UGT2B7: variants seen among roughly 807,000 people sequenced by gnomAD.
UGT2B7 encodes the protein UDP-glucuronosyltransferase 2B7.
In UGT2B7, 51 loss-of-function variants were observed where a neutral mutation model predicts 51.9. That is an observed-to-expected ratio of 0.98 (90% CI 0.78 to 1.24). UGT2B7 has a LOEUF of 1.24. Ranked by LOEUF, UGT2B7 falls within the 50% of genes most tolerant of loss-of-function variation. UGT2B7 has a pLI of 0.00. For missense variants in UGT2B7, 727 were observed against 628.4 expected (o/e 1.16, Z -1.68); for synonymous variants, 225 against 211.6 (o/e 1.06, Z -0.55).
chr4:69,087,562 G>A (rs977924217), intron 1 of UGT2B7, among the ~76,000 whole-genome samples: 7 of 151,888 alleles, frequency 4.6e-5, no homozygotes, highest in Non-Finnish European at 7.4e-5. Context: ...CTTATTACAT[G>A]TGAGTGTCCT....
At chr4:69,098,516 CT>C (rs34182209) in intron 1 of UGT2B7, 23 bp from the exon 2 acceptor site, 283 of 1,471,202 alleles carry the variant, frequency 1.9e-4, no homozygotes, top group South Asian at 6.0e-4. Context: ...TGTCATCCAC[CT>C]TTTTTTTTTC....
chr4:69,100,934 T>C (rs1719400386), intron 2 of UGT2B7, among the ~76,000 whole-genome samples: 1 of 152,134 alleles, frequency 6.6e-6, no homozygotes, highest in African/African-American at 2.4e-5. Flanking sequence ...ATCAGTTTTA[T>C]AATATGTTCA....
chr4:69,061,520 TC>T (rs563703561), intron 1 of UGT2B7, among the ~76,000 whole-genome samples: 150 of 152,194 alleles, frequency 9.9e-4, no homozygotes, highest in African/African-American at 3.3e-3. Context: ...CAAGCTACAC[TC>T]CAAATAAAAG....
At chr4:69,081,740 G>T (rs917409440) in intron 1 of UGT2B7, among the ~76,000 whole-genome samples, 6 of 152,014 alleles carry the variant, frequency 3.9e-5, no homozygotes, top group African/African-American at 1.4e-4. Flanking sequence ...TTTTCTGATT[G>T]CTCCATAGAT....
chr4:69,098,829 C>T (rs1719331742), intron 2 of UGT2B7, 141 bp downstream of exon 2: 2 of 1,394,602 alleles, frequency 1.4e-6, no homozygotes, highest in Middle Eastern at 2.6e-4. Flanking sequence ...CAATTAGAAA[C>T]TCATGTGCAC....
At chr4:69,057,910 C>T (rs1482713063) in intron 1 of UGT2B7, among the ~76,000 whole-genome samples, 2 of 152,154 alleles carry the variant, frequency 1.3e-5, no homozygotes, top group Non-Finnish European at 2.9e-5. Flanking sequence ...TAGATAGGGA[C>T]ACAATTGGCC....
At chr4:69,051,538 G>A (rs1239007897) in exon 1 of UGT2B7, 1 of 152,342 alleles carries the variant, frequency 6.6e-6, no homozygotes, top group Non-Finnish European at 1.5e-5. Context: ...CCCTCGCAGA[G>A]GATTAACACA....
chr4:69,103,461 A>G (rs543205850), intron 3 of UGT2B7, among the ~76,000 whole-genome samples: 1 of 152,300 alleles, frequency 6.6e-6, no homozygotes, highest in East Asian at 1.9e-4. Flanking sequence ...ACAAAAGGCA[A>G]CTTGAGACCC....
intron 3 of UGT2B7, among the ~76,000 whole-genome samples, chr4:69,105,996 T>A (rs539028757): frequency 2.0e-5 from 3 of 152,160 alleles, no homozygotes; most frequent in African/African-American, 7.2e-5. Context: ...AGCACGCAGG[T>A]CATTACAAAA....
At chr4:69,087,198 C>T (rs926140112) in intron 1 of UGT2B7, among the ~76,000 whole-genome samples, 1 of 151,438 alleles carries the variant, frequency 6.6e-6, no homozygotes. Context: ...TGATTCCATG[C>T]CATTTGTGTT....
chr4:69,077,535 T>C (rs1438668392), intron 1 of UGT2B7, among the ~76,000 whole-genome samples: 1 of 152,054 alleles, frequency 6.6e-6, no homozygotes. Context: ...TATTTTATTC[T>C]CTTTGTGTCA....
chr4:69,089,064 T>C (rs1463564252), intron 1 of UGT2B7, among the ~76,000 whole-genome samples: 1 of 152,130 alleles, frequency 6.6e-6, no homozygotes, highest in Non-Finnish European at 1.5e-5. Flanking sequence ...CAGTGTGGCT[T>C]TTTGTATTTA....
At chr4:69,082,756 A>T (rs1268547640) in intron 1 of UGT2B7, among the ~76,000 whole-genome samples, 1 of 152,114 alleles carries the variant, frequency 6.6e-6, no homozygotes, top group East Asian at 1.9e-4. Context: ...TATCTAGACA[A>T]CCTAGCTAAG....
At chr4:69,108,390 A>C in intron 5 of UGT2B7, 68 bp downstream of exon 5, 1 of 1,538,670 alleles carries the variant, frequency 6.5e-7, no homozygotes, top group Non-Finnish European at 8.9e-7. Flanking sequence ...AGTGAGTGTG[A>C]GTTTCATCCT....
intron 1 of UGT2B7, among the ~76,000 whole-genome samples, chr4:69,064,104 A>AGAGAG (rs1560499781): frequency 1.0e-3 from 112 of 110,444 alleles, no homozygotes; most frequent in East Asian, 1.4e-3. Flanking sequence ...AAGAGAAAGA[A>AGAGAG]AGAAAGAAAA....
Position 69,108,268 on chromosome 4 carries a change from C to T in UGT2B7, c.1256C>T (p.Thr419Ile). ...GCAGCTGTTAGAGTGGACTTCAACA[C>T]AATGTCGAGTACAGACTTGCTGAAT... ...RGAAVRVDFNTMSSTDLLNAL... is the reference protein window; with the variant it reads ...RGAAVRVDFNIMSSTDLLNAL... Residue 419 changes from threonine to isoleucine, a missense_variant, in exon 5 of 6, where the codon ACA (threonine) becomes ATA (isoleucine). By Grantham distance (89) the Thr-to-Ile change is moderately conservative. Coordinates refer to ENST00000305231, the MANE Select transcript of UGT2B7 (RefSeq NM_001074.4). 1 of 1,613,626 alleles carries T rather than the reference C, an allele frequency of 6.2e-7. No homozygotes were observed. Among genetic ancestry groups the T allele is most frequent in the African/African-American group, 1.3e-5 (1 of 74,994 alleles).
chr4:69,085,577 T>G (rs1718935396), intron 1 of UGT2B7, among the ~76,000 whole-genome samples: 1 of 152,132 alleles, frequency 6.6e-6, no homozygotes, highest in Admixed American at 6.6e-5. Flanking sequence ...GGTTTTCTCC[T>G]AGGGTTTTTA....
At chr4:69,106,634 G>A (rs1178847990) in intron 3 of UGT2B7, among the ~76,000 whole-genome samples, 2 of 152,016 alleles carry the variant, frequency 1.3e-5, no homozygotes, top group South Asian at 4.1e-4. Context: ...GGATTGCTGG[G>A]TTTCATGGTA....
At position 69,107,234 on chromosome 4, in the gene UGT2B7, C is replaced by A. The variant is rs4348159; in HGVS notation, c.1062C>A (p.Tyr354Ter). The change falls in exon 4 of 6, where the codon TAC (tyrosine) becomes TAA (stop). Residue 354 changes from tyrosine to a stop codon, truncating the protein, a stop_gained. Coordinates refer to ENST00000305231, the MANE Select transcript of UGT2B7 (RefSeq NM_001074.4). LOFTEE classifies it high-confidence loss of function. The stretch of plus-strand genomic sequence containing the variant: ...CCTTAGGTCTCAATACTCGGCTCTA[C>A]AAGTGGATACCCCAGAATGACCTTC... Reference protein sequence around the residue: ...PDTLGLNTRLYKWIPQNDLLG... With the variant: ...PDTLGLNTRL 6.2e-7 allele frequency: 1 copy of A among 1,607,124 alleles called. No homozygotes were observed. Among genetic ancestry groups the A allele is most frequent in the East Asian group, 2.2e-5 (1 of 44,690 alleles).
Sources: allele counts gnomAD v4.1 joint callset (sites outside exome capture counted in the v4.1 genomes callset), GRCh38; gene constraint gnomAD v4.1.1; transcripts MANE v1.5; gene names NCBI Gene and HGNC (gene_info 2026-07-23, HGNC 2026-07-21).